KLHL13: variants seen among roughly 807,000 people sequenced by gnomAD.
KLHL13 encodes the protein kelch like family member 13, also known as kelch-like protein 13.
In KLHL13, 10 loss-of-function variants were observed where a neutral mutation model predicts 37.1. That is an observed-to-expected ratio of 0.27 (90% confidence interval 0.17 to 0.46). The LOEUF (loss-of-function observed/expected upper bound fraction) is 0.46, where lower values mean the gene tolerates loss of function less well. Ranked by LOEUF, KLHL13 falls within the 20% of genes least tolerant of loss-of-function variation. KLHL13 has a pLI of 1.00. For missense variants in KLHL13, 360 were observed against 509.3 expected (o/e 0.71, Z 2.82); for synonymous variants, 163 against 181.2 (o/e 0.90, Z 0.81).
At chrX:118,059,777 A>G (rs1255606488) in intron 1 of KLHL13, among the ~76,000 whole-genome samples, 3 of 111,130 alleles carry the variant, frequency 2.7e-5, no homozygotes, top group African/African-American at 9.8e-5. Flanking sequence ...ACTGACCTAC[A>G]ATATACCAGA....
chrX:118,074,527 G>C (rs2054908260), intron 1 of KLHL13, among the ~76,000 whole-genome samples: 1 of 111,689 alleles, frequency 9.0e-6, no homozygotes, highest in African/African-American at 3.3e-5. Context: ...TGTATGAGCT[G>C]GCTGGAGCAA....
At chrX:118,072,088 G>T (rs1177147072) in intron 1 of KLHL13, among the ~76,000 whole-genome samples, 1 of 109,197 alleles carries the variant, frequency 9.2e-6, no homozygotes, top group Non-Finnish European at 1.9e-5. Context: ...TATACTACAA[G>T]GCTACAGTAA....
At chrX:117,928,163 G>T (rs1216636309) in intron 2 of KLHL13, among the ~76,000 whole-genome samples, 2 of 111,984 alleles carry the variant, frequency 1.8e-5, no homozygotes, top group Non-Finnish European at 3.8e-5. Context: ...TTAGATGTCT[G>T]TGTGTTTAAT....
intron 2 of KLHL13, among the ~76,000 whole-genome samples, chrX:117,944,663 G>C (rs762440941): frequency 9.0e-6 from 1 of 111,379 alleles, no homozygotes; most frequent in South Asian, 3.8e-4. Context: ...AGGGTAGTAA[G>C]AGGACCAATA....
At chrX:117,960,505 CT>C (rs1291096873) in intron 1 of KLHL13, among the ~76,000 whole-genome samples, 11 of 112,047 alleles carry the variant, frequency 9.8e-5, no homozygotes, top group Non-Finnish European at 1.3e-4. Flanking sequence ...TATTTGCCCC[CT>C]GCACCTGCCA....
intron 1 of KLHL13, among the ~76,000 whole-genome samples, chrX:118,041,039 C>G (rs1179485722): frequency 8.9e-6 from 1 of 112,035 alleles, no homozygotes; most frequent in Non-Finnish European, 1.9e-5. Flanking sequence ...TTCATCAACA[C>G]CAGATCTGTC....
chrX:117,928,593 T>C (rs953062118), intron 2 of KLHL13, among the ~76,000 whole-genome samples: 1 of 111,940 alleles, frequency 8.9e-6, no homozygotes, highest in Non-Finnish European at 1.9e-5. Flanking sequence ...AACTAAAACA[T>C]ACTTCTAAAT....
intron 1 of KLHL13, among the ~76,000 whole-genome samples, chrX:118,057,384 C>A (rs150949209): frequency 0.018 from 1,963 of 112,109 alleles, 38 homozygotes; most frequent in African/African-American, 0.059. Context: ...CTGTTAAGAG[C>A]TAAAACTCTT....
chrX:117,976,222 T>A (rs1363244465), upstream of KLHL13, among the ~76,000 whole-genome samples: 1 of 112,075 alleles, frequency 8.9e-6, no homozygotes, highest in East Asian at 2.8e-4. Context: ...CAGTTCTTAC[T>A]TTTCCTTTAA....
intron 1 of KLHL13, among the ~76,000 whole-genome samples, chrX:118,005,466 T>C (rs2053971470): frequency 8.9e-6 from 1 of 111,793 alleles, no homozygotes; most frequent in Non-Finnish European, 1.9e-5. Context: ...CTGGGACCTA[T>C]GCATATGTTG....
rs368024656 is a variant in KLHL13 at position 117,991,418 on chromosome X, GTAAACA to G, written c.-55-45849_-55-45844del. On this transcript the variant is annotated intron_variant, in intron 1 of 6. Transcript: ENST00000371882. ...TGTATAAACCAATCCCAAGCCAAGAGTAAACATAATACTCCATCATTTCTAATTCAA... is the reference window on the plus strand; with the variant it reads ...TGTATAAACCAATCCCAAGCCAAGAGTAATACTCCATCATTTCTAATTCAA... Among the ~76,000 whole-genome samples, 633 of 110,896 alleles carry G rather than the reference GTAAACA, an allele frequency of 5.7e-3. 5 individuals are homozygous for G. The highest frequency in any genetic ancestry group is 0.018 in the African/African-American group (544 of 30,413).
intron 1 of KLHL13, among the ~76,000 whole-genome samples, chrX:118,101,622 A>G (rs1414505012): frequency 9.0e-6 from 1 of 111,264 alleles, no homozygotes; most frequent in Non-Finnish European, 1.9e-5. Flanking sequence ...TAGGATGAGT[A>G]GTGATATCGT....
At chrX:117,950,985 A>C (rs886095980) in intron 1 of KLHL13, among the ~76,000 whole-genome samples, 5 of 112,173 alleles carry the variant, frequency 4.5e-5, no homozygotes, top group African/African-American at 1.3e-4. Flanking sequence ...TTAAAAACTT[A>C]AGATGGTAGA....
intron 1 of KLHL13, among the ~76,000 whole-genome samples, chrX:117,968,261 T>C (rs1305400090): frequency 8.9e-6 from 1 of 111,819 alleles, no homozygotes; most frequent in Non-Finnish European, 1.9e-5. Context: ...AAGCTGTCCA[T>C]GAATGGAGGG....
intron 6 of KLHL13, among the ~76,000 whole-genome samples, chrX:117,900,827 T>A (rs904292758): frequency 4.5e-5 from 5 of 111,075 alleles, no homozygotes; most frequent in Non-Finnish European, 9.4e-5. Flanking sequence ...CTAACAAAGT[T>A]AAATGTCAAT....
chrX:118,079,205 G>A (rs769076126), intron 1 of KLHL13, among the ~76,000 whole-genome samples: 1 of 110,356 alleles, frequency 9.1e-6, no homozygotes, highest in South Asian at 3.8e-4. Context: ...GTGAATATCC[G>A]AGAAGCGTAA....
intron 1 of KLHL13, among the ~76,000 whole-genome samples, chrX:117,990,514 A>G (rs1235578225): frequency 1.8e-5 from 2 of 112,283 alleles, no homozygotes; most frequent in African/African-American, 6.5e-5. Context: ...AAGGACAAAA[A>G]GTATATTCTT....
chrX:118,101,413 T>A (rs918893065), intron 1 of KLHL13, among the ~76,000 whole-genome samples: 1 of 111,583 alleles, frequency 9.0e-6, no homozygotes, highest in South Asian at 3.8e-4. Flanking sequence ...CCTCAAGGAA[T>A]TCATAATCCA....
At chrX:117,939,780 AT>A (rs1932926729) in intron 2 of KLHL13, among the ~76,000 whole-genome samples, 1 of 111,215 alleles carries the variant, frequency 9.0e-6, no homozygotes, top group Admixed American at 9.5e-5. Context: ...ACACTTTTTG[AT>A]GGGGTGGTTT....
Sources: allele counts gnomAD v4.1 joint callset (sites outside exome capture counted in the v4.1 genomes callset), GRCh38; gene constraint gnomAD v4.1.1; transcripts MANE v1.5; gene names NCBI Gene and HGNC (gene_info 2026-07-23, HGNC 2026-07-21).